The following SCML2 variants were observed in gnomAD, a reference collection of about 807,000 sequenced individuals.
SCML2 encodes the protein sex comb on midleg-like protein 2.
SCML2 carries 6 observed loss-of-function variants against 48.4 expected under a neutral mutation model. That is an observed-to-expected ratio of 0.12 (90% CI 0.07 to 0.24). SCML2 has a LOEUF of 0.24. Ranked by LOEUF, SCML2 falls within the 10% of genes least tolerant of loss-of-function variation. The probability of loss-of-function intolerance (pLI) is 1.00; values close to 1 mark genes in which losing one functional copy is unlikely to be tolerated. For missense variants in SCML2, 377 were observed against 528.2 expected, an observed-to-expected ratio of 0.71 and a Z score of 2.81; for synonymous variants, 181 against 189.5, an observed-to-expected ratio of 0.95 and a Z score of 0.37.
intron 2 of SCML2, among the ~76,000 whole-genome samples, chrX:18,332,069 G>T (rs984584710): frequency 3.6e-5 from 4 of 111,902 alleles, no homozygotes; most frequent in African/African-American, 1.3e-4. Flanking sequence ...CTATTGCCTA[G>T]ATCCTTTCGT....
chrX:18,263,396 T>C (rs1233851497), intron 8 of SCML2, among the ~76,000 whole-genome samples: 2 of 112,088 alleles, frequency 1.8e-5, no homozygotes, highest in Admixed American at 1.9e-4. Context: ...CCCAAAGATT[T>C]ACCATCTTCA....
intron 8 of SCML2, among the ~76,000 whole-genome samples, chrX:18,262,233 G>A (rs1927091319): frequency 9.4e-6 from 1 of 106,145 alleles, no homozygotes; most frequent in South Asian, 3.9e-4. Flanking sequence ...ACATATTTGG[G>A]TCTTTAAAAA....
intron 1 of SCML2, among the ~76,000 whole-genome samples, chrX:18,348,536 T>C (rs1375558110): frequency 9.0e-6 from 1 of 111,706 alleles, no homozygotes; most frequent in Non-Finnish European, 1.9e-5. Context: ...ACAAAAAAAA[T>C]CTCAAATCAG....
At chrX:18,264,544 T>C (rs1927194090) in intron 8 of SCML2, among the ~76,000 whole-genome samples, 1 of 110,053 alleles carries the variant, frequency 9.1e-6, no homozygotes, top group Non-Finnish European at 1.9e-5. Context: ...CTAGTTCTAA[T>C]ATCTGGGTTA....
intron 2 of SCML2, 22 bp from the exon 3 acceptor site, chrX:18,330,677 A>G: frequency 1.0e-6 from 1 of 977,855 alleles, no homozygotes; most frequent in East Asian, 3.1e-5. Context: ...GAAAATAGCA[A>G]TACTGGGAGT....
intron 11 of SCML2, among the ~76,000 whole-genome samples, chrX:18,248,262 T>C (rs950917087): frequency 9.0e-6 from 1 of 111,715 alleles, no homozygotes; most frequent in Non-Finnish European, 1.9e-5. Context: ...TGATATAATA[T>C]AATGAACATC....
At chrX:18,343,955 A>C (rs1320457944) in intron 1 of SCML2, among the ~76,000 whole-genome samples, 4 of 106,004 alleles carry the variant, frequency 3.8e-5, no homozygotes. Context: ...AAGAAAGAAA[A>C]GAAAAGAAAA....
At chrX:18,277,214 G>A (rs1391242008) in intron 7 of SCML2, among the ~76,000 whole-genome samples, 1 of 110,948 alleles carries the variant, frequency 9.0e-6, no homozygotes, top group Non-Finnish European at 1.9e-5. Flanking sequence ...GGGACTACAG[G>A]CATGCACCAC....
chrX:18,343,947 G>GAAAGA lies in SCML2; in HGVS notation c.-24-9857_-24-9853dup, dbSNP rs1179634998. On this transcript the variant is annotated intron_variant, in intron 1 of 14. Transcript: ENST00000251900. ...TTAAAAAAAAAAAAAAAAAAAGAAA[G>GAAAGA]AAAGAAAAGAAAAGAAAAGAAAAAA... Among the ~76,000 whole-genome samples, 538 of 90,143 alleles carry GAAAGA rather than the reference G, an allele frequency of 6.0e-3. 8 individuals are homozygous for GAAAGA. Among genetic ancestry groups the GAAAGA allele is most frequent in the African/African-American group, 0.02 (483 of 24,338 alleles). 78.3% of individuals were successfully genotyped at this position (90,143 alleles called of 115,157 possible).
In SCML2 at chrX:18,324,305, A is replaced by C. The variant is rs905005296; in HGVS notation, c.163-212T>G. Among the ~76,000 whole-genome samples, 4 of 111,208 alleles carry C rather than the reference A, an allele frequency of 3.6e-5. No homozygotes were observed. In the Admixed American group the frequency reaches 3.9e-4, roughly 11 times the overall value. On this transcript the variant is annotated intron_variant, in intron 4 of 14. Transcript: ENST00000251900. ...AAAAACACTACCCGCTGCTGTTCTC[A>C]CTCATCTGCCCACTTCCAGGCAACC... is the stretch of plus-strand genomic sequence containing the variant.
intron 1 of SCML2, among the ~76,000 whole-genome samples, chrX:18,349,406 T>C (rs141568017): frequency 0.019 from 2,129 of 112,657 alleles, 60 homozygotes; most frequent in African/African-American, 0.065. Context: ...ATGATCATGA[T>C]ATTAAGATGA....
chrX:18,281,286 G>A (rs771810072), intron 7 of SCML2, among the ~76,000 whole-genome samples: 1 of 80,427 alleles, frequency 1.2e-5, no homozygotes, highest in Non-Finnish European at 2.7e-5. Context: ...TGAAATCAAA[G>A]CATTCTTTGA....
At position 18,247,545 on chromosome X, in the gene SCML2, GA is replaced by G. The variant is rs994186896; in HGVS notation, c.1570+223del. Among the ~76,000 whole-genome samples the G allele has an allele frequency of 2.7e-5, 3 of 111,742 alleles. No homozygotes were observed. In the Admixed American group the frequency reaches 2.9e-4, roughly 11 times the overall value. ...AGTTTTTAGCAATACAAAAGTGAAG[GA>G]AAAAGGTTATTACAATTTTTTTTTA... is the stretch of plus-strand genomic sequence containing the variant. On this transcript the variant is annotated intron_variant, in intron 12 of 14. Coordinates refer to ENST00000251900, the MANE Select transcript of SCML2 (RefSeq NM_006089.3).
At chrX:18,317,530 T>G (rs997287349) in intron 6 of SCML2, among the ~76,000 whole-genome samples, 4 of 111,609 alleles carry the variant, frequency 3.6e-5, no homozygotes, top group African/African-American at 1.3e-4. Flanking sequence ...AAGCCCATAT[T>G]TGTTTGTAAA....
chrX:18,329,378 C>T (rs920402597), intron 3 of SCML2, among the ~76,000 whole-genome samples: 1 of 111,410 alleles, frequency 9.0e-6, no homozygotes, highest in African/African-American at 3.3e-5. Context: ...GTGGGGATTA[C>T]CTCTATAGGC....
chrX:18,264,834 T>C (rs1484615817), intron 8 of SCML2, among the ~76,000 whole-genome samples: 2 of 111,640 alleles, frequency 1.8e-5, no homozygotes, highest in Admixed American at 9.6e-5. Flanking sequence ...TAGACAAACA[T>C]GCTCAGATCA....
intron 7 of SCML2, among the ~76,000 whole-genome samples, chrX:18,292,873 TAGAG>T (rs775021045): frequency 4.3e-4 from 48 of 111,766 alleles, no homozygotes; most frequent in South Asian, 7.3e-4. Context: ...TAATATATCT[TAGAG>T]AGCTTTCCTT....
intron 7 of SCML2, among the ~76,000 whole-genome samples, chrX:18,299,951 G>C (rs1031394641): frequency 9.1e-6 from 1 of 110,095 alleles, no homozygotes; most frequent in Admixed American, 9.7e-5. Context: ...TGTTGCCCAG[G>C]CTGGTCTCAA....
intron 7 of SCML2, among the ~76,000 whole-genome samples, chrX:18,301,385 G>A (rs1188350085): frequency 9.1e-6 from 1 of 109,467 alleles, no homozygotes; most frequent in African/African-American, 3.3e-5. Flanking sequence ...GTGACAGAGC[G>A]AGACTCCGTC....
Sources: gnomAD v4.1 joint callset for allele counts (sites outside exome capture counted in the v4.1 genomes callset) on GRCh38, gnomAD v4.1.1 for gene constraint, MANE v1.5 for transcripts, NCBI Gene and HGNC (gene_info 2026-07-23, HGNC 2026-07-21) for gene names.